The following ZNF37A variants were observed in gnomAD, a reference collection of about 807,000 sequenced individuals.
ZNF37A encodes the protein zinc finger protein 37A.
In ZNF37A, 10 loss-of-function variants were observed where a neutral mutation model predicts 12.3. The ratio of observed to expected loss-of-function variants is 0.82; its 90% confidence interval spans 0.50 to 1.38. The LOEUF is 1.38. Ranked by LOEUF, ZNF37A falls within the 40% of genes most tolerant of loss-of-function variation. ZNF37A has a pLI of 0.00. For synonymous variants in ZNF37A, 207 were observed against 223.0 expected, an observed-to-expected ratio of 0.93 and a Z score of 0.64; for missense variants, 580 against 651.2, an observed-to-expected ratio of 0.89 and a Z score of 1.19.
intron 5 of ZNF37A, among the ~76,000 whole-genome samples, chr10:38,100,107 G>T (rs954755269): frequency 3.9e-5 from 6 of 152,182 alleles, no homozygotes; most frequent in Admixed American, 3.3e-4. Context: ...CATAAAACCA[G>T]CAAGTTTTTA....
At chr10:38,109,531 G>C (rs1238104518) in intron 5 of ZNF37A, among the ~76,000 whole-genome samples, 1 of 152,120 alleles carries the variant, frequency 6.6e-6, no homozygotes, top group Non-Finnish European at 1.5e-5. Flanking sequence ...TATTCAGATA[G>C]GAAAAGAGGA....
At chr10:38,100,643 G>T in intron 5 of ZNF37A, among the ~76,000 whole-genome samples, 1 of 152,238 alleles carries the variant, frequency 6.6e-6, no homozygotes, top group South Asian at 2.1e-4. Flanking sequence ...CTGTTATCCT[G>T]TTCTTTTTTC....
intron 7 of ZNF37A, among the ~76,000 whole-genome samples, chr10:38,133,596 C>T (rs1218367117): frequency 6.6e-6 from 1 of 151,674 alleles, no homozygotes; most frequent in African/African-American, 2.4e-5. Context: ...ATAGTTTGCT[C>T]AGAATGATGG....
At chr10:38,106,762 G>A (rs1590837733) in intron 5 of ZNF37A, among the ~76,000 whole-genome samples, 2 of 152,128 alleles carry the variant, frequency 1.3e-5, no homozygotes, top group Middle Eastern at 6.8e-3. Flanking sequence ...ATAAGAGATT[G>A]AAGATCAAAT....
rs943286114 is a variant in ZNF37A at position 38,123,812 on chromosome 10, G to A, written c.*4975G>A. Reference sequence around the variant, plus strand: ...GATATCATCTCACCCCAGTTAAAATGTCTTCTCTCCAAAAGACAGATAATA... The same window carrying A: ...GATATCATCTCACCCCAGTTAAAATATCTTCTCTCCAAAAGACAGATAATA... On this transcript the variant is annotated 3_prime_UTR_variant, in exon 8 of 8. Transcript: ENST00000685332. The A allele has an allele frequency of 6.6e-6, 1 of 152,186 alleles. No individual in the cohort carries two copies. Among genetic ancestry groups the A allele is most frequent in the Admixed American group, 6.5e-5 (1 of 15,268 alleles). 9.4% of individuals were successfully genotyped at this position (152,186 alleles called of 1,614,324 possible). A position where few individuals can be genotyped will look rare whatever the true frequency, so the allele number is the denominator to read the frequency against.
intron 7 of ZNF37A, among the ~76,000 whole-genome samples, chr10:38,146,178 T>G (rs931756831): frequency 2.0e-5 from 3 of 152,304 alleles, no homozygotes; most frequent in African/African-American, 7.2e-5. Flanking sequence ...TTGGCATAAT[T>G]TGAACAACCC....
intron 5 of ZNF37A, among the ~76,000 whole-genome samples, chr10:38,107,579 A>G (rs1334177024): frequency 6.6e-6 from 1 of 152,246 alleles, no homozygotes; most frequent in Non-Finnish European, 1.5e-5. Flanking sequence ...TAAAAAGTCA[A>G]CATCCATCAG....
intron 5 of ZNF37A, among the ~76,000 whole-genome samples, chr10:38,111,970 G>A (rs1231339940): frequency 6.7e-6 from 1 of 149,522 alleles, no homozygotes; most frequent in Non-Finnish European, 1.5e-5. Flanking sequence ...GAGTGCAGTG[G>A]CGCGATCTCG....
Position 38,120,429 on chromosome 10 carries a change from C to A in ZNF37A, c.*1592C>A, listed in dbSNP as rs1390987468. The A allele has an allele frequency of 2.0e-5, 3 of 150,716 alleles. No individual in the cohort carries two copies. Among genetic ancestry groups the A allele is most frequent in the African/African-American group, 2.4e-5 (1 of 40,974 alleles). 9.3% of individuals were successfully genotyped at this position (150,716 alleles called of 1,614,324 possible). A position where few individuals can be genotyped will look rare whatever the true frequency, so the allele number is the denominator to read the frequency against. ...GAGTGACAGAGAGAGATTCAAAAAA[C>A]AAAAAAAAAGCAAAAATATACTTTG... On this transcript the variant is annotated 3_prime_UTR_variant, in exon 8 of 8. Coordinates refer to ENST00000685332, the MANE Select transcript of ZNF37A (RefSeq NM_001324250.3).
At position 38,119,558 on chromosome 10, in the gene ZNF37A, C is replaced by A; in HGVS notation, c.*721C>A. On this transcript the variant is annotated 3_prime_UTR_variant, in exon 8 of 8. Transcript: ENST00000685332. Reference sequence around the variant, plus strand: ...AGGTGTTGAGTTGCAGGATATCTAGCAATTTAAGAAAATGTGGAAAAAATA... The same window carrying A: ...AGGTGTTGAGTTGCAGGATATCTAGAAATTTAAGAAAATGTGGAAAAAATA... The A allele has an allele frequency of 3.7e-6, 1 of 272,866 alleles. No homozygotes were observed. 16.9% of individuals were successfully genotyped at this position (272,866 alleles called of 1,614,324 possible).
At chr10:38,098,204 T>C (rs1235625830) in intron 5 of ZNF37A, among the ~76,000 whole-genome samples, 4 of 152,242 alleles carry the variant, frequency 2.6e-5, no homozygotes, top group Non-Finnish European at 5.9e-5. Flanking sequence ...AACTTTTGTT[T>C]ATCCATTCAT....
At chr10:38,144,345 A>T (rs2070225446) in intron 7 of ZNF37A, 1 of 152,132 alleles carries the variant, frequency 6.6e-6, no homozygotes, top group Admixed American at 6.5e-5. Context: ...GTAACCAGTG[A>T]CTTCCCTGTT....
intron 5 of ZNF37A, among the ~76,000 whole-genome samples, chr10:38,106,543 A>G (rs149231680): frequency 1.7e-4 from 26 of 152,294 alleles, no homozygotes; most frequent in African/African-American, 5.3e-4. Context: ...GGTGGGTAAT[A>G]ATAACTAACT....
chr10:38,129,321 A>C (rs2069983585), downstream of ZNF37A, among the ~76,000 whole-genome samples: 1 of 149,108 alleles, frequency 6.7e-6, no homozygotes. Flanking sequence ...AAAAAAAAAA[A>C]ACTATTATTT....
chr10:38,128,587 TC>T (rs2069961953), downstream of ZNF37A, among the ~76,000 whole-genome samples: 1 of 152,180 alleles, frequency 6.6e-6, no homozygotes, highest in Admixed American at 6.6e-5. Flanking sequence ...ATTTAAAAAG[TC>T]ATTTTTTTCC....
intron 5 of ZNF37A, among the ~76,000 whole-genome samples, chr10:38,100,548 T>A (rs530194376): frequency 5.3e-5 from 8 of 152,206 alleles, no homozygotes; most frequent in Non-Finnish European, 1.2e-4. Context: ...CATTTGCTTT[T>A]GAAAGAAGAG....
At chr10:38,111,484 TAA>T (rs201057446) in intron 5 of ZNF37A, among the ~76,000 whole-genome samples, 1 of 143,224 alleles carries the variant, frequency 7.0e-6, no homozygotes, top group Non-Finnish European at 1.5e-5. Context: ...AGTATAATAA[TAA>T]AAAAAAAAAA....
intron 5 of ZNF37A, among the ~76,000 whole-genome samples, chr10:38,097,795 T>A (rs2067269861): frequency 6.6e-6 from 1 of 151,768 alleles, no homozygotes; most frequent in Admixed American, 6.6e-5. Context: ...TATGGTAAAA[T>A]ACACATCACA....
At chr10:38,115,046 C>T (rs176886) in intron 6 of ZNF37A, 149 bp from the exon 7 acceptor site, 492,764 of 1,174,418 alleles carry the variant, frequency 0.42, 109,992 homozygotes, top group Admixed American at 0.49. Context: ...TTCCTCTGCC[C>T]CCATGACAGG....
Sources: gnomAD v4.1 joint callset for allele counts (sites outside exome capture counted in the v4.1 genomes callset) on GRCh38, gnomAD v4.1.1 for gene constraint, MANE v1.5 for transcripts, NCBI Gene and HGNC (gene_info 2026-07-23, HGNC 2026-07-21) for gene names.